The following BRINP3 variants were observed in gnomAD, a reference collection of about 807,000 sequenced individuals.
BRINP3 encodes BMP/retinoic acid inducible neural specific 3, also known as BMP/retinoic acid-inducible neural-specific protein 3.
BRINP3 carries 19 observed loss-of-function variants against 71.0 expected under a neutral mutation model. That is an observed-to-expected ratio of 0.27 (90% CI 0.19 to 0.39). BRINP3 has a LOEUF of 0.39. Ranked by LOEUF, BRINP3 falls within the 10% of genes least tolerant of loss-of-function variation. The pLI is 1.00. For synonymous variants in BRINP3, 380 were observed against 337.7 expected, an observed-to-expected ratio of 1.13 and a Z score of -1.37; for missense variants, 959 against 940.8, an observed-to-expected ratio of 1.02 and a Z score of -0.25.
intron 6 of BRINP3, among the ~76,000 whole-genome samples, chr1:190,223,456 G>C (rs1224989654): frequency 6.6e-6 from 1 of 151,774 alleles, no homozygotes; most frequent in African/African-American, 2.4e-5. Flanking sequence ...TGATAAAATT[G>C]AACAACAGTT....
At chr1:190,152,117 A>T (rs11803557) in intron 7 of BRINP3, among the ~76,000 whole-genome samples, 20,428 of 152,104 alleles carry the variant, frequency 0.13, 2,018 homozygotes, top group South Asian at 0.25. Context: ...ACTCCCTTTT[A>T]AAAAAGGAAT....
At chr1:190,113,390 C>A (rs945150284) in intron 7 of BRINP3, among the ~76,000 whole-genome samples, 1 of 152,016 alleles carries the variant, frequency 6.6e-6, no homozygotes, top group Non-Finnish European at 1.5e-5. Context: ...TTAGAGAGGG[C>A]GGAGATTGTG....
At chr1:190,473,931 A>G (rs1677322950) in intron 1 of BRINP3, among the ~76,000 whole-genome samples, 1 of 149,066 alleles carries the variant, frequency 6.7e-6, no homozygotes, top group Non-Finnish European at 1.5e-5. Flanking sequence ...CTTAAGGTGG[A>G]GAAAATAATG....
chr1:190,384,549 A>G (rs1296237270), intron 2 of BRINP3, among the ~76,000 whole-genome samples: 1 of 151,838 alleles, frequency 6.6e-6, no homozygotes, highest in Non-Finnish European at 1.5e-5. Context: ...CTTAGTCTAT[A>G]GAAATATTGA....
At chr1:190,380,391 T>A (rs375914092) in intron 2 of BRINP3, among the ~76,000 whole-genome samples, 8 of 152,108 alleles carry the variant, frequency 5.3e-5, no homozygotes, top group South Asian at 2.1e-4. Context: ...ATGTATTAAT[T>A]TTAAGGTAGT....
intron 7 of BRINP3, among the ~76,000 whole-genome samples, chr1:190,152,943 G>A (rs919564836): frequency 1.3e-5 from 2 of 152,050 alleles, no homozygotes; most frequent in South Asian, 4.1e-4. Context: ...ATATAATAAA[G>A]TGAAAGATAA....
intron 2 of BRINP3, among the ~76,000 whole-genome samples, chr1:190,324,996 C>A (rs1666485594): frequency 6.6e-6 from 1 of 151,682 alleles, no homozygotes; most frequent in Non-Finnish European, 1.5e-5. Context: ...AGATTATAAC[C>A]TTAATAAATT....
At chr1:190,186,302 G>A (rs901963291) in intron 6 of BRINP3, among the ~76,000 whole-genome samples, 12 of 151,964 alleles carry the variant, frequency 7.9e-5, no homozygotes, top group Non-Finnish European at 1.6e-4. Flanking sequence ...AGAAGGCAGA[G>A]GTTGCAATGA....
At chr1:190,129,750 A>G (rs1435619731) in intron 7 of BRINP3, among the ~76,000 whole-genome samples, 3 of 151,970 alleles carry the variant, frequency 2.0e-5, no homozygotes, top group Non-Finnish European at 4.4e-5. Context: ...GTGTATATCA[A>G]TTCTATATAC....
rs1052236452 is a variant in BRINP3, at chr1:190,447,313, A to G, written c.236+7342T>C. 2.0e-4 allele frequency among the ~76,000 whole-genome samples: 30 copies of G among 147,570 alleles called. No individual in the cohort carries two copies. In the East Asian group the frequency reaches 5.7e-3, roughly 28 times the overall value. On this transcript the variant is annotated intron_variant, in intron 2 of 7. Transcript: ENST00000367462. Reference sequence around the variant, plus strand: ...AGTGTAAAATAGTATATATATATATATAGTATAATTTTTTTAACCAACATT... The same window carrying G: ...AGTGTAAAATAGTATATATATATATGTAGTATAATTTTTTTAACCAACATT...
chr1:190,302,485 G>T (rs1357500442), intron 2 of BRINP3, among the ~76,000 whole-genome samples: 7 of 151,580 alleles, frequency 4.6e-5, no homozygotes, highest in Non-Finnish European at 1.0e-4. Context: ...AGCACCAGTA[G>T]TAACTGTTCG....
At chr1:190,372,732 T>C (rs1175116004) in intron 2 of BRINP3, among the ~76,000 whole-genome samples, 2 of 152,178 alleles carry the variant, frequency 1.3e-5, no homozygotes, top group Non-Finnish European at 2.9e-5. Context: ...AGTTCAGGAA[T>C]TACACTAAAA....
chr1:190,160,865 C>T lies in BRINP3; in HGVS notation c.987G>A (p.Arg329=). 1 of 1,604,404 alleles carries T rather than the reference C, an allele frequency of 6.2e-7. No homozygotes were observed. Among genetic ancestry groups the T allele is most frequent in the Non-Finnish European group, 8.5e-7 (1 of 1,176,218 alleles). ...TGTTGAGGAAATAATTCATAGGTAG[C>T]CTTTTCATAAATAACTTGAATTCAT... The part of the protein sequence containing the change: ...ESDEFKLFMK[R]LPMNYFLNTS... The change falls in exon 7 of 8, where the codon AGG becomes AGA. Residue 329 remains arginine (R), a synonymous_variant. Coordinates refer to ENST00000367462, the MANE Select transcript of BRINP3 (RefSeq NM_199051.3).
intron 6 of BRINP3, among the ~76,000 whole-genome samples, chr1:190,183,616 G>T (rs906073520): frequency 3.4e-4 from 52 of 152,270 alleles, no homozygotes; most frequent in African/African-American, 1.2e-3. Flanking sequence ...GGGGATGGAT[G>T]CCTCATTAAT....
chr1:190,349,996 T>G (rs1032311526), intron 2 of BRINP3, among the ~76,000 whole-genome samples: 1 of 152,068 alleles, frequency 6.6e-6, no homozygotes, highest in African/African-American at 2.4e-5. Flanking sequence ...AGTCAAATAG[T>G]CTTTTAGGAA....
At chr1:190,225,670 G>T (rs935891713) in intron 6 of BRINP3, among the ~76,000 whole-genome samples, 11 of 151,982 alleles carry the variant, frequency 7.2e-5, no homozygotes, top group African/African-American at 2.7e-4. Context: ...GTAGAAATAA[G>T]TGAAGTGAAA....
intron 3 of BRINP3, 133 bp downstream of exon 3, chr1:190,281,427 T>G: frequency 2.4e-6 from 2 of 819,578 alleles, no homozygotes; most frequent in Non-Finnish European, 3.8e-6. Context: ...ACTCAAAATG[T>G]GTTGGGTAAA....
At chr1:190,334,762 G>T (rs1667181428) in intron 2 of BRINP3, among the ~76,000 whole-genome samples, 1 of 151,786 alleles carries the variant, frequency 6.6e-6, no homozygotes, top group Non-Finnish European at 1.5e-5. Flanking sequence ...ATAGATTGCA[G>T]GGTATTGAAA....
At chr1:190,164,858 C>A (rs1001095446) in intron 6 of BRINP3, among the ~76,000 whole-genome samples, 1 of 151,946 alleles carries the variant, frequency 6.6e-6, no homozygotes, top group African/African-American at 2.4e-5. Flanking sequence ...CAGGTATGAC[C>A]TACAGTGCCT....
Sources: allele counts gnomAD v4.1 joint callset (sites outside exome capture counted in the v4.1 genomes callset), GRCh38; gene constraint gnomAD v4.1.1; transcripts MANE v1.5; gene names NCBI Gene and HGNC (gene_info 2026-07-23, HGNC 2026-07-21).